MLLT10: variants seen among roughly 807,000 people sequenced by gnomAD.
MLLT10 encodes protein AF-10.
MLLT10 carries 30 observed loss-of-function variants against 129.1 expected under a neutral mutation model. That is an observed-to-expected ratio of 0.23 (90% confidence interval 0.17 to 0.32). The LOEUF is 0.32. Ranked by LOEUF, MLLT10 falls within the 10% of genes least tolerant of loss-of-function variation. The pLI, the probability that MLLT10 is intolerant of heterozygous loss-of-function variation, is 1.00. For synonymous variants in MLLT10, 490 were observed against 446.4 expected, an observed-to-expected ratio of 1.10 and a Z score of -1.23; for missense variants, 1,119 against 1,268.3, an observed-to-expected ratio of 0.88 and a Z score of 1.79.
At chr10:21,652,432 A>ACC (rs1417042132) in intron 9 of MLLT10, among the ~76,000 whole-genome samples, 13 of 152,190 alleles carry the variant, frequency 8.5e-5, no homozygotes, top group Admixed American at 4.6e-4. Flanking sequence ...ATCATTTGTA[A>ACC]AGTGGGGGAA....
chr10:21,673,317 A>AAT, intron 10 of MLLT10, 33 bp from the exon 11 acceptor site: 2 of 173,600 alleles, frequency 1.2e-5, no homozygotes, highest in Non-Finnish European at 8.5e-6. Context: ...CCACCCCCCA[A>AAT]CTTTTTTTTT....
chr10:21,729,396 T>C (rs1049725169), intron 16 of MLLT10, among the ~76,000 whole-genome samples: 2 of 152,212 alleles, frequency 1.3e-5, no homozygotes, highest in Non-Finnish European at 2.9e-5. Flanking sequence ...TAGCATATTA[T>C]TTCCAACTTT....
At chr10:21,646,489 T>A (rs1190952416) in intron 8 of MLLT10, among the ~76,000 whole-genome samples, 1 of 152,144 alleles carries the variant, frequency 6.6e-6, no homozygotes, top group Non-Finnish European at 1.5e-5. Flanking sequence ...CTTTTTTTTT[T>A]TAGGTTTTGG....
intron 3 of MLLT10, among the ~76,000 whole-genome samples, chr10:21,555,814 T>C (rs1391677332): frequency 2.6e-5 from 4 of 151,368 alleles, no homozygotes; most frequent in Non-Finnish European, 4.4e-5. Flanking sequence ...TTTATAGGCA[T>C]GCACCACGAT....
In MLLT10 at chr10:21,713,976, A is replaced by G. The variant is rs202064089; in HGVS notation, c.1878+26A>G. 9 of 1,567,560 alleles carry G rather than the reference A, an allele frequency of 5.7e-6. No homozygotes were observed. The East Asian group carries it at 2.1e-4, about 36-fold the overall frequency. Reference sequence around the variant, plus strand: ...GTAAGTTGTTACACTATCATGTGACAGGTAATAGGTGGGTTTCTCATTTTT... The same window carrying G: ...GTAAGTTGTTACACTATCATGTGACGGGTAATAGGTGGGTTTCTCATTTTT... On this transcript the variant is annotated intron_variant, in intron 14 of 22. Coordinates refer to ENST00000307729, the MANE Select transcript of MLLT10 (RefSeq NM_001195626.3).
intron 3 of MLLT10, chr10:21,557,488 G>C (rs2038194818): frequency 6.5e-6 from 1 of 154,690 alleles, no homozygotes; most frequent in South Asian, 2.0e-4. Flanking sequence ...AACCAAATCT[G>C]GTCTTTAGTT....
intron 13 of MLLT10, among the ~76,000 whole-genome samples, chr10:21,695,035 C>T (rs888890077): frequency 6.6e-5 from 10 of 151,626 alleles, no homozygotes; most frequent in East Asian, 3.9e-4. Context: ...TCTCTTCTGC[C>T]GCATCTTTCA....
At chr10:21,551,406 CTT>C (rs989705963) in intron 3 of MLLT10, among the ~76,000 whole-genome samples, 1 of 128,568 alleles carries the variant, frequency 7.8e-6, no homozygotes, top group Non-Finnish European at 1.6e-5. Context: ...CATTTACTAA[CTT>C]TTTTTTTGTT....
intron 14 of MLLT10, among the ~76,000 whole-genome samples, chr10:21,717,686 C>CTCCTCCTCCTCCTCT (rs1564710996): frequency 2.4e-4 from 14 of 59,132 alleles, no homozygotes; most frequent in Non-Finnish European, 3.2e-4. Context: ...CTTCCTCCTC[C>CTCCTCCTCCTCCTCT]TCCTCCTCCT....
intron 4 of MLLT10, among the ~76,000 whole-genome samples, chr10:21,588,098 G>A (rs747803825): frequency 4.6e-5 from 7 of 151,062 alleles, no homozygotes; most frequent in East Asian, 1.9e-4. Context: ...TTGAAGCTTC[G>A]CTCATTTGCC....
At chr10:21,732,008 G>A (rs528438785) in intron 17 of MLLT10, among the ~76,000 whole-genome samples, 7 of 152,152 alleles carry the variant, frequency 4.6e-5, no homozygotes, top group Non-Finnish European at 8.8e-5. Flanking sequence ...ATAGCTGGAG[G>A]ATAGGTTTAG....
At chr10:21,562,938 G>A (rs1253742736) in intron 3 of MLLT10, among the ~76,000 whole-genome samples, 1 of 145,846 alleles carries the variant, frequency 6.9e-6, no homozygotes, top group African/African-American at 2.6e-5. Flanking sequence ...TCCTGTCTCA[G>A]CCTTCTGAGT....
chr10:21,675,440 T>A (rs2051990111), intron 11 of MLLT10, among the ~76,000 whole-genome samples: 1 of 152,194 alleles, frequency 6.6e-6, no homozygotes, highest in African/African-American at 2.4e-5. Flanking sequence ...ATGTGTTAAA[T>A]GTGTCCAGAG....
At chr10:21,624,825 C>A in intron 8 of MLLT10, 1 of 1,073,814 alleles carries the variant, frequency 9.3e-7, no homozygotes, top group Non-Finnish European at 1.4e-6. Context: ...GGAACCACGG[C>A]CACGGCCTCT....
At chr10:21,598,603 G>T (rs2043227291) in intron 5 of MLLT10, among the ~76,000 whole-genome samples, 1 of 152,144 alleles carries the variant, frequency 6.6e-6, no homozygotes, top group Non-Finnish European at 1.5e-5. Context: ...AAAACTGTGG[G>T]CCAGGCGCGA....
chr10:21,662,700 G>T (rs553732436), intron 9 of MLLT10, among the ~76,000 whole-genome samples: 6 of 152,164 alleles, frequency 3.9e-5, no homozygotes, highest in South Asian at 4.2e-4. Context: ...GTTTCTGATG[G>T]TTTTTCACTT....
intron 15 of MLLT10, among the ~76,000 whole-genome samples, chr10:21,727,387 C>G (rs527253119): frequency 1.3e-5 from 2 of 152,150 alleles, no homozygotes; most frequent in East Asian, 3.9e-4. Context: ...GCTCTAGTGT[C>G]TAACACCATA....
chr10:21,625,354 A>T (rs1389711985), intron 8 of MLLT10: 2 of 768,814 alleles, frequency 2.6e-6, no homozygotes. Context: ...CTTTCAACTT[A>T]TTTACTCTTT....
chr10:21,534,528 A>AGCGGTG lies in MLLT10; in HGVS notation c.-1+10_-1+15dup, dbSNP rs1408353025. The AGCGGTG allele has an allele frequency of 1.1e-5, 10 of 913,910 alleles. No homozygotes were observed. In the East Asian group the frequency reaches 5.0e-4, roughly 45 times the overall value. The allele number at this position is 913,910 out of a possible 1,614,324, so 56.6% of individuals were successfully genotyped here. A position where few individuals can be genotyped will look rare whatever the true frequency, so the allele number is the denominator to read the frequency against. On this transcript the variant is annotated intron_variant, in intron 1 of 22. Coordinates refer to ENST00000307729, the MANE Select transcript of MLLT10 (RefSeq NM_001195626.3). ...CTGAGCGGCAAAGCCCGAGTGAGCG[A>AGCGGTG]GCGGTGGGCTGCCGGGCCGGGCGGG...
Sources: gnomAD v4.1 joint callset for allele counts (sites outside exome capture counted in the v4.1 genomes callset) on GRCh38, gnomAD v4.1.1 for gene constraint, MANE v1.5 for transcripts, NCBI Gene and HGNC (gene_info 2026-07-23, HGNC 2026-07-21) for gene names.